The following COL28A1 variants were observed in gnomAD, a reference collection of about 807,000 sequenced individuals.
COL28A1 encodes the protein collagen type XXVIII alpha 1 chain.
COL28A1 carries 161 observed loss-of-function variants against 150.2 expected under a neutral mutation model. The observed-to-expected ratio is 1.07, with a 90% CI of 0.94 to 1.22. COL28A1 has a LOEUF of 1.22. Ranked by LOEUF, COL28A1 falls within the 50% of genes most tolerant of loss-of-function variation. The pLI is 0.00. For missense variants in COL28A1, 1,617 were observed against 1,388.3 expected, an observed-to-expected ratio of 1.16 and a Z score of -2.62; for synonymous variants, 552 against 469.7, an observed-to-expected ratio of 1.18 and a Z score of -2.26.
intron 4 of COL28A1, chr7:7,522,206 A>G (rs1304166047): frequency 4.0e-6 from 2 of 505,872 alleles, no homozygotes; most frequent in Non-Finnish European, 7.2e-6. Context: ...AGAGCTAGCT[A>G]ACAAAATATT....
chr7:7,358,679 C>CT lies in COL28A1; in HGVS notation c.3331dup (p.Arg1111LysfsTer5). ...TTGACATTCCTTTTCACTGTTGAAT[C>CT]TATTTCCTGAGCCATTACAGCCACT... On this transcript the variant is annotated frameshift_variant, in exon 35 of 35. Coordinates refer to ENST00000399429, the MANE Select transcript of COL28A1 (RefSeq NM_001037763.3). LOFTEE classifies it high-confidence loss of function. 1 of 1,614,020 alleles carries CT rather than the reference C, an allele frequency of 6.2e-7. No homozygotes were observed. The highest frequency in any genetic ancestry group is 1.3e-5 in the African/African-American group (1 of 75,026).
chr7:7,363,466 T>C (rs559909113), intron 33 of COL28A1, among the ~76,000 whole-genome samples: 3 of 152,204 alleles, frequency 2.0e-5, no homozygotes, highest in South Asian at 2.1e-4. Flanking sequence ...AGATGTCAGA[T>C]TATTTCAACA....
chr7:7,516,184 A>C (rs1308153350), intron 7 of COL28A1, among the ~76,000 whole-genome samples: 1 of 152,232 alleles, frequency 6.6e-6, no homozygotes, highest in Admixed American at 6.5e-5. Flanking sequence ...CAAAACTGTT[A>C]TATTGACTTT....
chr7:7,458,085 C>T (rs1038628759), intron 15 of COL28A1, among the ~76,000 whole-genome samples: 8 of 152,032 alleles, frequency 5.3e-5, no homozygotes, highest in African/African-American at 1.9e-4. Context: ...CAACAGTTGG[C>T]CAATGTTTGA....
At chr7:7,508,486 G>T (rs1780947005) in intron 9 of COL28A1, among the ~76,000 whole-genome samples, 1 of 152,132 alleles carries the variant, frequency 6.6e-6, no homozygotes, top group Admixed American at 6.5e-5. Context: ...TGTCTCTCAT[G>T]CCATATATAG....
chr7:7,508,902 C>A (rs781693755), intron 9 of COL28A1, among the ~76,000 whole-genome samples: 3 of 152,020 alleles, frequency 2.0e-5, no homozygotes, highest in South Asian at 4.2e-4. Flanking sequence ...GGCACAATCT[C>A]GGTCCACTGC....
chr7:7,520,012 A>AT, intron 6 of COL28A1, 50 bp downstream of exon 6: 1 of 859,814 alleles, frequency 1.2e-6, no homozygotes, highest in Non-Finnish European at 1.9e-6. Context: ...TTAAAAAAAA[A>AT]GTCTAGAAGG....
chr7:7,500,725 G>T (rs774309116), intron 11 of COL28A1, among the ~76,000 whole-genome samples: 2 of 151,602 alleles, frequency 1.3e-5, no homozygotes, highest in Non-Finnish European at 2.9e-5. Flanking sequence ...ACAGTTTTAA[G>T]TTCAGGGTCT....
the COL28A1 span, among the ~76,000 whole-genome samples, chr7:7,339,678 C>A: frequency 5.9e-5 from 9 of 152,004 alleles, no homozygotes; most frequent in Admixed American, 2.6e-4. Context: ...AATCTGATTA[C>A]TATTAAAAAA....
chr7:7,344,990 T>C, the COL28A1 span, among the ~76,000 whole-genome samples: 1 of 151,646 alleles, frequency 6.6e-6, no homozygotes, highest in African/African-American at 2.4e-5. Flanking sequence ...GAAATGAGTT[T>C]GGCCAAGAAA....
chr7:7,483,375 T>C (rs548885595), intron 13 of COL28A1, among the ~76,000 whole-genome samples: 1 of 152,226 alleles, frequency 6.6e-6, no homozygotes, highest in South Asian at 2.1e-4. Flanking sequence ...AAGAACAAAG[T>C]AGAAAAAAGC....
At chr7:7,486,404 T>C (rs535489381) in intron 13 of COL28A1, among the ~76,000 whole-genome samples, 4 of 152,192 alleles carry the variant, frequency 2.6e-5, no homozygotes, top group African/African-American at 9.7e-5. Context: ...TAGTTTTATT[T>C]ATTGTTTTTA....
chr7:7,536,539 C>T (rs1176456315), upstream of COL28A1, among the ~76,000 whole-genome samples: 8 of 152,068 alleles, frequency 5.3e-5, no homozygotes, highest in Non-Finnish European at 1.0e-4. Flanking sequence ...TTTCCACTCC[C>T]TGTTTCCCTA....
In COL28A1 at chr7:7,370,748, G is replaced by A; in HGVS notation, c.3043C>T (p.Pro1015Ser). Residue 1015 changes from proline (P) to serine (S), a missense_variant, in exon 33 of 35, where the codon CCT becomes TCT. Pro to Ser is a moderately conservative substitution (Grantham distance 74). Transcript: ENST00000399429. ...ACTGACTCAGAAATTTCTTTTTGAG[G>A]CTCTGGAGTAGATTCACTGAGTTCT... ...GEELSESTPE[P>S]QKEISESLSV... 1.2e-6 allele frequency: 2 copies of A among 1,611,606 alleles called. No homozygotes were observed. The highest frequency in any genetic ancestry group is 1.7e-6 in the Non-Finnish European group (2 of 1,179,242).
At chr7:7,492,757 G>C (rs1460602138) in intron 11 of COL28A1, among the ~76,000 whole-genome samples, 1 of 151,604 alleles carries the variant, frequency 6.6e-6, no homozygotes, top group Non-Finnish European at 1.5e-5. Flanking sequence ...CCACATTTAT[G>C]ATCCTTTGAT....
chr7:7,465,122 A>C (rs903589359), intron 15 of COL28A1, among the ~76,000 whole-genome samples: 2 of 152,154 alleles, frequency 1.3e-5, no homozygotes, highest in African/African-American at 2.4e-5. Context: ...CCGAATAGGA[A>C]CAGCTCCGGT....
At chr7:7,341,157 C>T in the COL28A1 span, among the ~76,000 whole-genome samples, 6 of 152,122 alleles carry the variant, frequency 3.9e-5, no homozygotes, top group African/African-American at 9.6e-5. Context: ...AGAAATTATA[C>T]GACTCCAGAC....
intron 14 of COL28A1, among the ~76,000 whole-genome samples, chr7:7,476,204 G>A (rs1187639893): frequency 6.6e-6 from 1 of 152,172 alleles, no homozygotes; most frequent in African/African-American, 2.4e-5. Flanking sequence ...GTATATGCAT[G>A]TGTGTGTTTT....
intron 8 of COL28A1, chr7:7,511,665 T>C (rs1391613585): frequency 1.3e-5 from 6 of 458,942 alleles, no homozygotes; most frequent in Admixed American, 4.9e-5. Context: ...GACCACCTAG[T>C]AGTGTTCACC....
Sources: gnomAD v4.1 joint callset for allele counts (sites outside exome capture counted in the v4.1 genomes callset) on GRCh38, gnomAD v4.1.1 for gene constraint, MANE v1.5 for transcripts, NCBI Gene and HGNC (gene_info 2026-07-23, HGNC 2026-07-21) for gene names.